The following ZCCHC7 variants were observed in gnomAD, a reference collection of about 807,000 sequenced individuals.
ZCCHC7 encodes the protein zinc finger CCHC-type containing 7.
ZCCHC7 carries 35 observed loss-of-function variants against 52.0 expected under a neutral mutation model. That is an observed-to-expected ratio of 0.67 (90% CI 0.51 to 0.89). The LOEUF (loss-of-function observed/expected upper bound fraction) is 0.89. Ranked by LOEUF, ZCCHC7 falls within the 40% of genes least tolerant of loss-of-function variation. The pLI, the probability that ZCCHC7 is intolerant of heterozygous loss-of-function variation, is 0.00. For synonymous variants in ZCCHC7, 217 were observed against 221.5 expected, an observed-to-expected ratio of 0.98 and a Z score of 0.18; for missense variants, 574 against 649.1, an observed-to-expected ratio of 0.88 and a Z score of 1.26.
intron 5 of ZCCHC7, among the ~76,000 whole-genome samples, chr9:37,306,730 T>TG: frequency 7.4e-6 from 1 of 135,922 alleles, no homozygotes; most frequent in Middle Eastern, 4.1e-3. Context: ...CCCAAAGTGC[T>TG]GGGATTACAG....
intron 6 of ZCCHC7, among the ~76,000 whole-genome samples, chr9:37,329,139 G>A (rs1830358467): frequency 6.6e-6 from 1 of 151,734 alleles, no homozygotes; most frequent in Non-Finnish European, 1.5e-5. Flanking sequence ...CTTTGTAACT[G>A]TATAAAGTAA....
At position 37,126,437 on chromosome 9, in the gene ZCCHC7, CTA is replaced by C; in HGVS notation, c.108_109del (p.Tyr36Ter). ...SVDSEVEFQL[Y>X]SQIHYAQDLD... ...TTGATAGTGAGGTGGAATTTCAACT[CTA>C]TAGCCAAATTCATTATGCCCAAGAT... is the stretch of plus-strand genomic sequence containing the variant. On this transcript the variant is annotated frameshift_variant, in exon 2 of 9. Transcript: ENST00000336755. LOFTEE classifies it high-confidence loss of function. 6.2e-7 allele frequency: 1 copy of C among 1,613,832 alleles called. No individual in the cohort carries two copies. Among genetic ancestry groups the C allele is most frequent in the Non-Finnish European group, 8.5e-7 (1 of 1,180,020 alleles).
intron 2 of ZCCHC7, among the ~76,000 whole-genome samples, chr9:37,257,779 C>T (rs537795740): frequency 1.3e-5 from 2 of 152,092 alleles, no homozygotes; most frequent in South Asian, 4.1e-4. Flanking sequence ...GTGTGACTCG[C>T]CTGCTCGCCC....
intron 5 of ZCCHC7, among the ~76,000 whole-genome samples, chr9:37,306,934 C>T (rs1230629035): frequency 6.6e-6 from 1 of 151,056 alleles, no homozygotes; most frequent in Non-Finnish European, 1.5e-5. Flanking sequence ...ATTACAGGCG[C>T]CCACCACCAT....
chr9:37,126,990 G>C (rs547969035), intron 2 of ZCCHC7, 48 bp downstream of exon 2: 2 of 1,586,428 alleles, frequency 1.3e-6, no homozygotes, highest in Admixed American at 3.5e-5. Flanking sequence ...CTTTCATAAG[G>C]AGGACTGCTT....
intron 2 of ZCCHC7, among the ~76,000 whole-genome samples, chr9:37,247,939 T>A (rs1826150652): frequency 6.6e-6 from 1 of 151,678 alleles, no homozygotes; most frequent in African/African-American, 2.4e-5. Context: ...ATAATAATAA[T>A]AAAGCTGGAA....
At chr9:37,123,604 T>A (rs900474248) in intron 1 of ZCCHC7, among the ~76,000 whole-genome samples, 15 of 152,222 alleles carry the variant, frequency 9.9e-5, no homozygotes, top group African/African-American at 3.6e-4. Flanking sequence ...TTGGGATGGC[T>A]GCAAGAGTAG....
chr9:37,303,955 G>A (rs915174539), intron 3 of ZCCHC7, among the ~76,000 whole-genome samples: 6 of 152,112 alleles, frequency 3.9e-5, no homozygotes, highest in African/African-American at 1.2e-4. Context: ...GAGCCACCAC[G>A]CCCAACCTCT....
chr9:37,305,613 G>A lies in ZCCHC7; in HGVS notation c.850G>A (p.Glu284Lys), dbSNP rs983299301. Residue 284 changes from glutamate to lysine, a missense_variant, in exon 5 of 9, where the codon GAA (glutamate) becomes AAA (lysine). By Grantham distance (56) the Glu-to-Lys change is moderately conservative. This residue lies in a region of ZCCHC7 where 403 missense variants were observed against 461.2 expected (regional missense o/e 0.87). Coordinates refer to ENST00000336755, the MANE Select transcript of ZCCHC7 (RefSeq NM_032226.3). ...LLYSCPAPLC[E>K]YCPVPKMLDH... ...GTATTCCTGTCCAGCCCCCCTTTGCGAATACTGTCCTGTGCCTAAGATGTT... is the reference window on the plus strand; with the variant it reads ...GTATTCCTGTCCAGCCCCCCTTTGCAAATACTGTCCTGTGCCTAAGATGTT... 7 of 1,613,900 alleles carry A rather than the reference G, an allele frequency of 4.3e-6. No individual in the cohort carries two copies. The highest frequency in any genetic ancestry group is 1.1e-5 in the South Asian group (1 of 91,084).
intron 4 of ZCCHC7, 69 bp downstream of exon 4, chr9:37,304,382 G>C (rs762453967): frequency 1.3e-6 from 2 of 1,558,856 alleles, no homozygotes; most frequent in African/African-American, 1.4e-5. Context: ...GGCTGGGCAC[G>C]GTGGCTCATG....
At chr9:37,306,882 G>C (rs944640373) in intron 5 of ZCCHC7, among the ~76,000 whole-genome samples, 4 of 137,884 alleles carry the variant, frequency 2.9e-5, no homozygotes, top group Non-Finnish European at 4.6e-5. Context: ...CTGCCTCCCA[G>C]GTTCAAGTGA....
intron 2 of ZCCHC7, among the ~76,000 whole-genome samples, chr9:37,149,439 C>G (rs1843587952): frequency 6.6e-6 from 1 of 151,934 alleles, no homozygotes; most frequent in Non-Finnish European, 1.5e-5. Context: ...AAAAAATACC[C>G]CCCTGTCCCC....
chr9:37,266,831 A>T (rs1413570058), intron 2 of ZCCHC7, among the ~76,000 whole-genome samples: 1 of 152,212 alleles, frequency 6.6e-6, no homozygotes, highest in East Asian at 1.9e-4. Context: ...CAATGATTGC[A>T]TCACTGCACT....
intron 2 of ZCCHC7, among the ~76,000 whole-genome samples, chr9:37,227,258 C>G (rs937317758): frequency 7.9e-5 from 12 of 152,032 alleles, no homozygotes; most frequent in Non-Finnish European, 1.0e-4. Flanking sequence ...ACTCTTACAA[C>G]TCAATAATAA....
At chr9:37,154,082 G>A (rs752502644) in intron 2 of ZCCHC7, among the ~76,000 whole-genome samples, 1 of 152,018 alleles carries the variant, frequency 6.6e-6, no homozygotes, top group East Asian at 1.9e-4. Flanking sequence ...TAGAGATGAG[G>A]TCTCACTCTG....
At chr9:37,181,408 A>G (rs796995718) in intron 2 of ZCCHC7, among the ~76,000 whole-genome samples, 35 of 152,374 alleles carry the variant, frequency 2.3e-4, no homozygotes, top group African/African-American at 7.7e-4. Context: ...ATGTATCTCA[A>G]AAGTGGGTGA....
intron 2 of ZCCHC7, among the ~76,000 whole-genome samples, chr9:37,282,714 T>C (rs1419450170): frequency 6.7e-6 from 1 of 149,552 alleles, no homozygotes; most frequent in African/African-American, 2.5e-5. Context: ...ACAAAAAAAA[T>C]TTAAAAATCA....
chr9:37,125,043 A>G (rs924232312), intron 1 of ZCCHC7, among the ~76,000 whole-genome samples: 1 of 152,130 alleles, frequency 6.6e-6, no homozygotes, highest in African/African-American at 2.4e-5. Flanking sequence ...GCAGATATGT[A>G]GTTTCACCAT....
intron 6 of ZCCHC7, among the ~76,000 whole-genome samples, chr9:37,336,864 G>A (rs906988573): frequency 1.3e-5 from 2 of 151,960 alleles, no homozygotes; most frequent in East Asian, 3.9e-4. Context: ...AAAGCTTGTG[G>A]TCCTTCTCCA....
Sources: gnomAD v4.1 joint callset for allele counts (sites outside exome capture counted in the v4.1 genomes callset) on GRCh38, gnomAD v4.1.1 for gene constraint, gnomAD v4.1.1 regional missense constraint, MANE v1.5 for transcripts, NCBI Gene and HGNC (gene_info 2026-07-23, HGNC 2026-07-21) for gene names.